TCP11L1: variants seen among roughly 807,000 people sequenced by gnomAD.
TCP11L1 encodes the protein t-complex 11 like 1, also known as T-complex protein 11-like protein 1.
A neutral mutation model predicts 48.9 loss-of-function variants in TCP11L1; 28 were observed. The ratio of observed to expected loss-of-function variants is 0.57; its 90% confidence interval spans 0.42 to 0.78. TCP11L1 has a LOEUF of 0.78. Among genes scored for constraint, TCP11L1 ranks in the 30% least tolerant of loss-of-function variants. The pLI, the probability that TCP11L1 is intolerant of heterozygous loss-of-function variation, is 0.00. For missense variants in TCP11L1, 505 were observed against 613.4 expected, an observed-to-expected ratio of 0.82 and a Z score of 1.87; for synonymous variants, 204 against 231.9, an observed-to-expected ratio of 0.88 and a Z score of 1.09.
Position 33,058,972 on chromosome 11 carries a change from G to A in TCP11L1, c.652G>A (p.Val218Met). Residue 218 changes from valine (V) to methionine (M), a missense_variant, in exon 6 of 10, where the codon GTG (valine) becomes ATG (methionine). Coordinates refer to ENST00000334274, the MANE Select transcript of TCP11L1 (RefSeq NM_018393.4). ...TTTTTCTTTCAGAGAAATTTTTTCT[G>A]TGTTGGACCTAATGAAAGTGGACAT... Reference protein sequence around the residue: ...IVPLFREIFSVLDLMKVDMAN... With the variant: ...IVPLFREIFSMLDLMKVDMAN... 1 of 1,613,742 alleles carries A rather than the reference G, an allele frequency of 6.2e-7. No homozygotes were observed. Among genetic ancestry groups the A allele is most frequent in the South Asian group, 1.1e-5 (1 of 90,984 alleles).
chr11:33,070,673 T>A (rs4382878), intron 9 of TCP11L1, among the ~76,000 whole-genome samples: 1 of 135,006 alleles, frequency 7.4e-6, no homozygotes, highest in South Asian at 2.4e-4. Context: ...CAATAAGAGC[T>A]AAAGTCTGTC....
chr11:33,071,301 G>A (rs532769287), intron 9 of TCP11L1, among the ~76,000 whole-genome samples: 1 of 152,156 alleles, frequency 6.6e-6, no homozygotes, highest in South Asian at 2.1e-4. Flanking sequence ...GCGACAGAGT[G>A]AAACTGTGTC....
chr11:33,042,922 C>T (rs1411875042), intron 1 of TCP11L1, among the ~76,000 whole-genome samples: 3 of 152,200 alleles, frequency 2.0e-5, no homozygotes, highest in Non-Finnish European at 4.4e-5. Flanking sequence ...AAAAATCAGC[C>T]AGGCATGGTG....
rs372939450 is a variant in TCP11L1, at chr11:33,058,204, TTC to T, written c.638+67_638+68del. 4,431 of 1,305,524 alleles carry T rather than the reference TTC, an allele frequency of 3.4e-3. 7 individuals are homozygous for T. Among genetic ancestry groups the T allele is most frequent in the Admixed American group, 4.4e-3 (152 of 34,448 alleles). The allele number at this position is 1,305,524 out of a possible 1,614,324, so 80.9% of individuals were successfully genotyped here. A position where few individuals can be genotyped will look rare whatever the true frequency, so the allele number is the denominator to read the frequency against. ...TCAGAGGCATTTTCTTTTTTTTCTT[TTC>T]TTTTTTTTTTGAGACAGAGTCTCAC... On this transcript the variant is annotated intron_variant, in intron 5 of 9. Coordinates refer to ENST00000334274, the MANE Select transcript of TCP11L1 (RefSeq NM_018393.4).
At chr11:33,064,149 A>C (rs1457489341) in intron 7 of TCP11L1, among the ~76,000 whole-genome samples, 3 of 152,092 alleles carry the variant, frequency 2.0e-5, no homozygotes, top group Non-Finnish European at 1.5e-5. Flanking sequence ...AAAAAAAATA[A>C]ATAGAAAAGA....
At chr11:33,048,553 T>TAG (rs1854065475) in intron 2 of TCP11L1, among the ~76,000 whole-genome samples, 1 of 152,244 alleles carries the variant, frequency 6.6e-6, no homozygotes, top group African/African-American at 2.4e-5. Context: ...GATCATATCT[T>TAG]AGAACTGTAG....
At chr11:33,055,962 C>T (rs745855287) in intron 3 of TCP11L1, among the ~76,000 whole-genome samples, 18 of 152,212 alleles carry the variant, frequency 1.2e-4, no homozygotes, top group Non-Finnish European at 1.6e-4. Context: ...GGATTATAGG[C>T]GTGCGCCACC....
At chr11:33,065,235 G>A (rs537105109) in intron 7 of TCP11L1, among the ~76,000 whole-genome samples, 24 of 152,286 alleles carry the variant, frequency 1.6e-4, no homozygotes, top group Non-Finnish European at 3.1e-4. Flanking sequence ...GCAGAGGCCC[G>A]ACAAAGTTGG....
At chr11:33,061,475 C>G in intron 6 of TCP11L1, 55 bp from the exon 7 acceptor site, 1 of 1,487,890 alleles carries the variant, frequency 6.7e-7, no homozygotes, top group Non-Finnish European at 9.0e-7. Flanking sequence ...TAAGTAATTC[C>G]GAGAAGCATC....
intron 5 of TCP11L1, among the ~76,000 whole-genome samples, chr11:33,058,548 A>T (rs946493422): frequency 3.1e-4 from 14 of 45,066 alleles, no homozygotes; most frequent in African/African-American, 1.1e-3. Context: ...TCATGGATTT[A>T]AAAAAAAAAA....
intron 7 of TCP11L1, among the ~76,000 whole-genome samples, chr11:33,064,055 C>A (rs770058850): frequency 2.0e-5 from 3 of 152,214 alleles, no homozygotes; most frequent in Middle Eastern, 6.8e-3. Flanking sequence ...CATAAATATC[C>A]CTAAGCCCTC....
rs1026136908 is a variant in TCP11L1 at position 33,061,619 on chromosome 11, A to T, written c.865A>T (p.Met289Leu). The T allele has an allele frequency of 1.2e-6, 2 of 1,612,824 alleles. No homozygotes were observed. Among genetic ancestry groups the T allele is most frequent in the African/African-American group, 2.7e-5 (2 of 74,892 alleles). ...KYKHALPVGGMAAGSGDMPRL... is the reference protein window; with the variant it reads ...KYKHALPVGGLAAGSGDMPRL... ...TAAACACGCCCTGCCAGTGGGGGGA[A>T]TGGCTGCTGGCTCTGGGGACATGCC... Residue 289 changes from methionine to leucine, a missense_variant, in exon 7 of 10, where the codon ATG becomes TTG. Met to Leu is a conservative substitution (Grantham distance 15, BLOSUM62 2). This residue lies in a region of TCP11L1 where 335 missense variants were observed against 413.3 expected (regional missense o/e 0.81). Transcript: ENST00000334274.
chr11:33,040,933 C>T (rs192283966), intron 1 of TCP11L1: 1 of 152,322 alleles, frequency 6.6e-6, no homozygotes, highest in East Asian at 1.9e-4. Flanking sequence ...TTCATAATGC[C>T]ACTTAAGTTT....
intron 2 of TCP11L1, among the ~76,000 whole-genome samples, chr11:33,051,367 C>G (rs958004775): frequency 2.6e-5 from 4 of 151,808 alleles, no homozygotes; most frequent in Non-Finnish European, 5.9e-5. Context: ...TGGGGTTTCA[C>G]CGTGTTAGCC....
chr11:33,048,717 G>C (rs1358817235), intron 2 of TCP11L1, among the ~76,000 whole-genome samples: 1 of 152,146 alleles, frequency 6.6e-6, no homozygotes, highest in East Asian at 1.9e-4. Flanking sequence ...CCAAAACACT[G>C]AGAATGCACT....
chr11:33,044,713 A>G (rs1317637913), intron 2 of TCP11L1, among the ~76,000 whole-genome samples: 1 of 152,206 alleles, frequency 6.6e-6, no homozygotes, highest in Non-Finnish European at 1.5e-5. Context: ...ATTAGTCAAC[A>G]TACTATTCTT....
intron 3 of TCP11L1, among the ~76,000 whole-genome samples, chr11:33,055,528 G>A (rs4635050): frequency 1.3e-5 from 2 of 152,020 alleles, no homozygotes; most frequent in African/African-American, 2.4e-5. Context: ...CTTGCTATAA[G>A]TGAACCTGGA....
chr11:33,072,884 G>A lies in TCP11L1; in HGVS notation c.*208G>A. On this transcript the variant is annotated 3_prime_UTR_variant, in exon 10 of 10. Transcript: ENST00000334274. ...TGAGAGATTGTATTTATGAGTGCAA[G>A]TTTACAAATCAAAGAAGCATTTTGT... The A allele has an allele frequency of 1.6e-6, 1 of 611,590 alleles. No individual in the cohort carries two copies. The highest frequency in any genetic ancestry group is 2.8e-6 in the Non-Finnish European group (1 of 355,646). 37.9% of individuals were successfully genotyped at this position (611,590 alleles called of 1,614,324 possible).
Position 33,072,582 on chromosome 11 carries a change from T to A in TCP11L1, c.1436T>A (p.Val479Asp), listed in dbSNP as rs368074374. 1 of 1,614,148 alleles carries A rather than the reference T, an allele frequency of 6.2e-7. No homozygotes were observed. Among genetic ancestry groups the A allele is most frequent in the Admixed American group, 1.7e-5 (1 of 60,010 alleles). The part of the protein sequence containing the change: ...LSPVQRELEE[V>D]AIKFARLVNY... ...CCAGTTCAGAGAGAGCTGGAGGAAGTTGCTATTAAATTTGCTCGCCTGGTC... is the reference window on the plus strand; with the variant it reads ...CCAGTTCAGAGAGAGCTGGAGGAAGATGCTATTAAATTTGCTCGCCTGGTC... Residue 479 changes from valine to aspartate, a missense_variant, in exon 10 of 10, where the codon GTT becomes GAT. Physicochemically the swap from Val to Asp is radical, Grantham distance 152. Around this residue, in one of 3 missense-constraint regions of TCP11L1, gnomAD observed 335 missense variants for 413.3 expected, o/e 0.81. Transcript: ENST00000334274.
Sources: allele counts gnomAD v4.1 joint callset (sites outside exome capture counted in the v4.1 genomes callset), GRCh38; gene constraint gnomAD v4.1.1; regional missense constraint gnomAD v4.1.1; transcripts MANE v1.5; gene names NCBI Gene and HGNC (gene_info 2026-07-23, HGNC 2026-07-21).